The following PIK3C2A variants were observed in gnomAD, a reference collection of about 807,000 sequenced individuals.
PIK3C2A encodes the protein phosphatidylinositol 4-phosphate 3-kinase C2 domain-containing subunit alpha.
A neutral mutation model predicts 204.5 loss-of-function variants in PIK3C2A; 97 were observed. That is an observed-to-expected ratio of 0.47 (90% CI 0.40 to 0.56). The LOEUF (loss-of-function observed/expected upper bound fraction) is 0.56. PIK3C2A is among the 20% of genes least tolerant of loss of function. The pLI, the probability that PIK3C2A is intolerant of heterozygous loss-of-function variation, is 0.00. For synonymous variants in PIK3C2A, 653 were observed against 664.4 expected (o/e 0.98, Z 0.26); for missense variants, 1,735 against 1,969.2 (o/e 0.88, Z 2.25).
intron 2 of PIK3C2A, among the ~76,000 whole-genome samples, chr11:17,160,080 AT>A (rs1456344253): frequency 6.6e-6 from 1 of 152,212 alleles, no homozygotes; most frequent in Non-Finnish European, 1.5e-5. Context: ...GTCTGATCAG[AT>A]ATCTGGACAC....
intron 2 of PIK3C2A, among the ~76,000 whole-genome samples, chr11:17,167,451 G>A (rs113984419): frequency 2.6e-5 from 4 of 151,948 alleles, no homozygotes; most frequent in Non-Finnish European, 2.9e-5. Context: ...GGAGAAACCC[G>A]GTTTCTACTA....
chr11:17,117,400 A>T, intron 19 of PIK3C2A, 91 bp downstream of exon 19: 1 of 804,440 alleles, frequency 1.2e-6, no homozygotes, highest in Non-Finnish European at 2.0e-6. Context: ...CTGGGAGTCT[A>T]CCAATAAAGA....
chr11:17,196,020 C>T (rs1852141201), intron 1 of PIK3C2A, among the ~76,000 whole-genome samples: 1 of 151,656 alleles, frequency 6.6e-6, no homozygotes, highest in South Asian at 2.1e-4. Context: ...GCCTGGGCAA[C>T]AGAGCGAGAC....
intron 1 of PIK3C2A, 74 bp from the exon 2 acceptor site, chr11:17,169,880 T>C (rs1045745672): frequency 1.4e-5 from 9 of 624,666 alleles, no homozygotes; most frequent in Middle Eastern, 8.5e-4. Flanking sequence ...ACCTACCCCA[T>C]ATGACTTTGG....
At chr11:17,092,523 G>A (rs773686196) in intron 28 of PIK3C2A, among the ~76,000 whole-genome samples, 1 of 151,982 alleles carries the variant, frequency 6.6e-6, no homozygotes, top group African/African-American at 2.4e-5. Context: ...AAAAATTAGC[G>A]TGCTGATGCC....
intron 2 of PIK3C2A, among the ~76,000 whole-genome samples, chr11:17,158,372 A>ATAT (rs1565280689): frequency 6.8e-6 from 1 of 147,464 alleles, no homozygotes; most frequent in African/African-American, 2.5e-5. Flanking sequence ...AATAATAATA[A>ATAT]ATATATATAT....
rs2302510 is a variant in PIK3C2A at position 17,147,439 on chromosome 11, T to C, written c.1560+78A>G. On this transcript the variant is annotated intron_variant, in intron 6 of 32. Coordinates refer to ENST00000691414, the MANE Select transcript of PIK3C2A (RefSeq NM_002645.4). The stretch of plus-strand genomic sequence containing the variant: ...TCTAACTATGAAATCATGAAAAATG[T>C]ACAAGTTGAAAATTGGCAAATTAGC... 1.3e-3 allele frequency: 1,017 copies of C among 765,160 alleles called. 13 individuals carry two copies. In the East Asian group the frequency reaches 0.024, roughly 18 times the overall value. The allele number at this position is 765,160 out of a possible 1,614,324, so 47.4% of individuals were successfully genotyped here.
At chr11:17,139,720 T>C (rs1396823665) in intron 8 of PIK3C2A, among the ~76,000 whole-genome samples, 2 of 152,178 alleles carry the variant, frequency 1.3e-5, no homozygotes, top group Admixed American at 1.3e-4. Flanking sequence ...TCACAATATA[T>C]TCAACCCCCA....
At chr11:17,126,684 C>T (rs1306836093) in intron 13 of PIK3C2A, among the ~76,000 whole-genome samples, 2 of 152,116 alleles carry the variant, frequency 1.3e-5, no homozygotes, top group African/African-American at 2.4e-5. Context: ...ATTCCTTGAA[C>T]GTGAAGTCCT....
intron 28 of PIK3C2A, 44 bp downstream of exon 28, chr11:17,094,217 T>C (rs1360562918): frequency 2.0e-6 from 3 of 1,476,138 alleles, no homozygotes; most frequent in South Asian, 2.4e-5. Flanking sequence ...TGATAACAAG[T>C]TGTTTCCTAC....
Position 17,178,108 on chromosome 11 carries a change from A to G in PIK3C2A, c.-65-8302T>C, listed in dbSNP as rs554802374. ...ACTCCATCTCAAAAAAAAAAAAAAA[A>G]AAAAGAAAAAAAAAATTGCATGTCA... On this transcript the variant is annotated intron_variant, in intron 1 of 32. Coordinates refer to ENST00000691414, the MANE Select transcript of PIK3C2A (RefSeq NM_002645.4). Among the ~76,000 whole-genome samples the G allele has an allele frequency of 5.4e-3, 523 of 96,786 alleles. 1 individual carries two copies. The highest frequency in any genetic ancestry group is 7.7e-3 in the Non-Finnish European group (374 of 48,316). The allele number at this position is 96,786 out of a possible 152,430, so 63.5% of individuals were successfully genotyped here. A position where few individuals can be genotyped will look rare whatever the true frequency, so the allele number is the denominator to read the frequency against.
chr11:17,113,353 A>G (rs1310025466), intron 20 of PIK3C2A, among the ~76,000 whole-genome samples: 1 of 152,266 alleles, frequency 6.6e-6, no homozygotes, highest in East Asian at 1.9e-4. Context: ...TCAACAGAAC[A>G]CAACGTCTTG....
At position 17,119,789 on chromosome 11, in the gene PIK3C2A, G is replaced by C; in HGVS notation, c.2843C>G (p.Ser948Ter). 6.5e-7 allele frequency: 1 copy of C among 1,534,012 alleles called. No homozygotes were observed. The highest frequency in any genetic ancestry group is 8.8e-7 in the Non-Finnish European group (1 of 1,141,318). The change falls in exon 16 of 33, where the codon TCA becomes TGA. Residue 948 changes from serine to a stop codon, truncating the protein, a stop_gained. Coordinates refer to ENST00000691414, the MANE Select transcript of PIK3C2A (RefSeq NM_002645.4). LOFTEE classifies it high-confidence loss of function. ...YPLIALELLD[S>*]KFADQEVRSL... ...CAAATAAATGTATTTGACTTACTTT[G>C]AATCAAGAAGTTCCAATGCAATTAG...
chr11:17,125,251 C>G (rs948979936), intron 13 of PIK3C2A, among the ~76,000 whole-genome samples: 10 of 152,076 alleles, frequency 6.6e-5, no homozygotes, highest in African/African-American at 2.2e-4. Flanking sequence ...GAGTGATTTT[C>G]CTTCCAGCAG....
intron 2 of PIK3C2A, among the ~76,000 whole-genome samples, chr11:17,168,382 C>A (rs951853167): frequency 1.3e-5 from 2 of 152,038 alleles, no homozygotes; most frequent in South Asian, 2.1e-4. Context: ...GAGATCGAGA[C>A]CATTCTTGCT....
intron 1 of PIK3C2A, among the ~76,000 whole-genome samples, chr11:17,179,816 A>G (rs1387462436): frequency 6.6e-6 from 1 of 151,634 alleles, no homozygotes; most frequent in Non-Finnish European, 1.5e-5. Context: ...GTCTGGTTAT[A>G]TTGCCCAGGC....
chr11:17,141,471 T>C (rs895131177), intron 8 of PIK3C2A: 6 of 152,104 alleles, frequency 3.9e-5, no homozygotes, highest in African/African-American at 1.2e-4. Flanking sequence ...CTTTACCTTT[T>C]AATAATTTTA....
Position 17,179,692 on chromosome 11 carries a change from T to C in PIK3C2A, c.-65-9886A>G, listed in dbSNP as rs1007716643. ...GGGCAGTGACATCATCATAGCTCAC[T>C]GTAATCTCAAACTCCTAGAGGCTCA... On this transcript the variant is annotated intron_variant, in intron 1 of 32. Transcript: ENST00000691414. 8.4e-4 allele frequency among the ~76,000 whole-genome samples: 128 copies of C among 152,244 alleles called. 1 individual carries two copies. Among genetic ancestry groups the C allele is most frequent in the African/African-American group, 3.0e-3 (123 of 41,568 alleles).
intron 1 of PIK3C2A, among the ~76,000 whole-genome samples, chr11:17,176,646 T>C (rs954535919): frequency 7.2e-5 from 11 of 151,808 alleles, no homozygotes; most frequent in Admixed American, 3.3e-4. Context: ...GTTATTTGGA[T>C]GTGTTGGAGC....
Sources: allele counts gnomAD v4.1 joint callset (sites outside exome capture counted in the v4.1 genomes callset), GRCh38; gene constraint gnomAD v4.1.1; transcripts MANE v1.5; gene names NCBI Gene and HGNC (gene_info 2026-07-23, HGNC 2026-07-21).